Variants in FARP1 observed in about 807,000 individuals in gnomAD.
FARP1 encodes the protein FERM, ARHGEF and pleckstrin domain-containing protein 1.
In FARP1, 52 loss-of-function variants were observed where a neutral mutation model predicts 128.8. That is an observed-to-expected ratio of 0.40 (90% CI 0.32 to 0.51). FARP1 has a LOEUF of 0.51. Ranked by LOEUF, FARP1 falls within the 20% of genes least tolerant of loss-of-function variation. FARP1 has a pLI of 0.45. For synonymous variants in FARP1, 580 were observed against 551.8 expected (o/e 1.05, Z -0.72); for missense variants, 1,333 against 1,367.9 (o/e 0.97, Z 0.40).
At position 98,384,740 on chromosome 13, in the gene FARP1, G is replaced by C; in HGVS notation, c.507G>C (p.Gly169=). 1.9e-6 allele frequency: 3 copies of C among 1,607,708 alleles called. No individual in the cohort carries two copies. The highest frequency in any genetic ancestry group is 1.3e-5 in the African/African-American group (1 of 74,848). ...TCTGTTTCTTTTTAGCTGAGATTGG[G>C]GATTTTGATGAAGCCTTGGACAGAG... ...LISHIVQSEI[G]DFDEALDREH... The change falls in exon 7 of 27, where the codon GGG becomes GGC. Residue 169 remains glycine, a synonymous_variant. Coordinates refer to ENST00000319562, the MANE Select transcript of FARP1 (RefSeq NM_005766.4).
chr13:98,150,372 A>G (rs1486459926), intron 1 of FARP1, among the ~76,000 whole-genome samples: 10 of 152,142 alleles, frequency 6.6e-5, no homozygotes, highest in Admixed American at 5.2e-4. Context: ...ATTGTTTTAT[A>G]TAGCTTTATT....
At chr13:98,338,826 G>A (rs974388425) in intron 2 of FARP1, 25 of 152,184 alleles carry the variant, frequency 1.6e-4, no homozygotes, top group African/African-American at 4.8e-4. Flanking sequence ...CTGGGAATAA[G>A]TACAGAGAAA....
At chr13:98,158,511 G>C (rs1413509906) in intron 1 of FARP1, among the ~76,000 whole-genome samples, 2 of 152,196 alleles carry the variant, frequency 1.3e-5, no homozygotes, top group African/African-American at 4.8e-5. Flanking sequence ...TTGTAGTTCA[G>C]AAGTTCAGGG....
chr13:98,272,116 A>G (rs1280067061), intron 2 of FARP1, among the ~76,000 whole-genome samples: 2 of 151,588 alleles, frequency 1.3e-5, no homozygotes, highest in Non-Finnish European at 2.9e-5. Flanking sequence ...TGCAACCTGT[A>G]CCTCCTGGGT....
At chr13:98,291,996 A>C (rs1885471893) in intron 2 of FARP1, among the ~76,000 whole-genome samples, 1 of 152,216 alleles carries the variant, frequency 6.6e-6, no homozygotes, top group Non-Finnish European at 1.5e-5. Context: ...TTGGAGAGCA[A>C]ACTAAACTTG....
At chr13:98,338,559 C>A (rs1054243736) in intron 2 of FARP1, 2 of 152,244 alleles carry the variant, frequency 1.3e-5, no homozygotes, top group African/African-American at 4.8e-5. Context: ...TTTATCCATT[C>A]ATTCAGCAGT....
At chr13:98,332,821 G>A (rs1403717174) in intron 2 of FARP1, 3 of 152,192 alleles carry the variant, frequency 2.0e-5, no homozygotes, top group Admixed American at 6.5e-5. Flanking sequence ...GAAGAACTTC[G>A]CCTGCATATG....
intron 2 of FARP1, among the ~76,000 whole-genome samples, chr13:98,282,017 T>G (rs56710174): frequency 0.013 from 1,965 of 152,290 alleles, 50 homozygotes; most frequent in African/African-American, 0.045. Context: ...ATTCAAAACA[T>G]GATGAGGCCG....
intron 5 of FARP1, among the ~76,000 whole-genome samples, chr13:98,370,617 A>G (rs1889287036): frequency 6.6e-6 from 1 of 151,448 alleles, no homozygotes; most frequent in African/African-American, 2.4e-5. Flanking sequence ...TGAGAAAAGG[A>G]TGGAGGGAAG....
intron 5 of FARP1, among the ~76,000 whole-genome samples, chr13:98,371,834 G>A (rs1374464644): frequency 1.3e-5 from 2 of 152,152 alleles, no homozygotes; most frequent in Non-Finnish European, 2.9e-5. Flanking sequence ...AGTGACTCTA[G>A]CTCTGTAGTT....
intron 2 of FARP1, chr13:98,244,353 C>G: frequency 2.9e-6 from 2 of 692,198 alleles, no homozygotes; most frequent in Non-Finnish European, 4.8e-6. Flanking sequence ...GCTGGTGTTA[C>G]CATCACCCAG....
At chr13:98,345,510 A>T (rs111672226) in intron 3 of FARP1, 1 of 152,222 alleles carries the variant, frequency 6.6e-6, no homozygotes, top group Non-Finnish European at 1.5e-5. Flanking sequence ...ACTTCTTTCA[A>T]GTTGTTACCA....
At chr13:98,408,322 CTTTTTTTT>C (rs34532263) in intron 13 of FARP1, among the ~76,000 whole-genome samples, 1 of 90,146 alleles carries the variant, frequency 1.1e-5, no homozygotes, top group African/African-American at 4.6e-5. Context: ...GTAATATATA[CTTTTTTTT>C]TTTTTTTTTT....
At chr13:98,209,472 ATTTTTT>A (rs534634730) in intron 1 of FARP1, among the ~76,000 whole-genome samples, 2 of 106,482 alleles carry the variant, frequency 1.9e-5, no homozygotes, top group African/African-American at 3.9e-5. Flanking sequence ...GGGAGGAAAG[ATTTTTT>A]TTTTTTTTTT....
intron 1 of FARP1, among the ~76,000 whole-genome samples, chr13:98,185,460 G>T (rs149651284): frequency 6.6e-6 from 1 of 152,194 alleles, no homozygotes; most frequent in African/African-American, 2.4e-5. Context: ...TTCTGTTTAA[G>T]GTTCCTCGTG....
chr13:98,372,087 T>TC (rs1555341310), intron 5 of FARP1, among the ~76,000 whole-genome samples: 8 of 143,200 alleles, frequency 5.6e-5, no homozygotes, highest in Non-Finnish European at 1.2e-4. Flanking sequence ...TTTTCTTTTT[T>TC]TTTTTTTTTT....
chr13:98,378,303 C>T (rs544127250), intron 6 of FARP1, among the ~76,000 whole-genome samples: 7 of 152,258 alleles, frequency 4.6e-5, no homozygotes, highest in African/African-American at 7.2e-5. Flanking sequence ...ATACTGCCAC[C>T]GATTTCACTT....
intron 1 of FARP1, among the ~76,000 whole-genome samples, chr13:98,179,288 C>T (rs1878334652): frequency 6.6e-6 from 1 of 152,248 alleles, no homozygotes; most frequent in East Asian, 1.9e-4. Context: ...TTATTCACTA[C>T]CACAAGAACA....
At chr13:98,313,893 A>T (rs890309002) in intron 2 of FARP1, among the ~76,000 whole-genome samples, 1 of 152,182 alleles carries the variant, frequency 6.6e-6, no homozygotes, top group African/African-American at 2.4e-5. Context: ...GAAAGACTAG[A>T]CTTCGAGAAA....
Sources: gnomAD v4.1 joint callset for allele counts (sites outside exome capture counted in the v4.1 genomes callset) on GRCh38, gnomAD v4.1.1 for gene constraint, MANE v1.5 for transcripts, NCBI Gene and HGNC (gene_info 2026-07-23, HGNC 2026-07-21) for gene names.